Variants in TMTC2 observed in about 807,000 individuals in gnomAD.
TMTC2 encodes the protein protein O-mannosyl-transferase TMTC2.
In TMTC2, 43 loss-of-function variants were observed where a neutral mutation model predicts 82.4. The ratio of observed to expected loss-of-function variants is 0.52; its 90% CI spans 0.41 to 0.67. The LOEUF (loss-of-function observed/expected upper bound fraction) is 0.67, where lower values mean the gene tolerates loss of function less well. Among genes scored for constraint, TMTC2 ranks in the 30% least tolerant of loss-of-function variants. The probability of loss-of-function intolerance (pLI) is 0.00; values close to 1 mark genes in which losing one functional copy is unlikely to be tolerated. For missense variants in TMTC2, 919 were observed against 1,012.4 expected, an observed-to-expected ratio of 0.91 and a Z score of 1.25; for synonymous variants, 408 against 381.9, an observed-to-expected ratio of 1.07 and a Z score of -0.80.
intron 1 of TMTC2, among the ~76,000 whole-genome samples, chr12:82,849,065 G>C (rs1343337652): frequency 6.6e-6 from 1 of 152,074 alleles, no homozygotes; most frequent in African/African-American, 2.4e-5. Flanking sequence ...CTGTGAATGC[G>C]AGCTGTGAAG....
Position 82,860,012 on chromosome 12 carries a change from C to T in TMTC2, c.654+2432C>T, listed in dbSNP as rs574112110. ...TTTTTGAGACCGAGTCTTGCCCTGT[C>T]GCCTAGGCTGGAGTGCAGTGGCACG... On this transcript the variant is annotated intron_variant, in intron 2 of 11. Transcript: ENST00000321196. Among the ~76,000 whole-genome samples, 275 of 152,206 alleles carry T rather than the reference C, an allele frequency of 1.8e-3. 1 individual carries two copies. Among genetic ancestry groups the T allele is most frequent in the African/African-American group, 6.5e-3 (268 of 41,520 alleles).
chr12:82,868,060 T>A (rs1464727350), intron 2 of TMTC2, among the ~76,000 whole-genome samples: 1 of 152,218 alleles, frequency 6.6e-6, no homozygotes, highest in Non-Finnish European at 1.5e-5. Context: ...AAATGCCCTG[T>A]AAAATCAGGG....
At chr12:82,730,296 C>CAA (rs368959079) in intron 1 of TMTC2, among the ~76,000 whole-genome samples, 8,196 of 78,928 alleles carry the variant, frequency 0.1, 824 homozygotes, top group East Asian at 0.41. Context: ...CTCTGTCTCT[C>CAA]AAAAAAAAAA....
intron 4 of TMTC2, among the ~76,000 whole-genome samples, chr12:82,943,075 T>C (rs1876811338): frequency 6.6e-6 from 1 of 152,148 alleles, no homozygotes; most frequent in Admixed American, 6.5e-5. Context: ...GAGCTGCTTA[T>C]ATAAACAAAG....
intron 3 of TMTC2, among the ~76,000 whole-genome samples, chr12:82,899,798 AAT>A (rs1185929388): frequency 6.9e-6 from 1 of 145,922 alleles, no homozygotes; most frequent in Non-Finnish European, 1.5e-5. Flanking sequence ...CATATATAGG[AAT>A]ATATATATAT....
intron 8 of TMTC2, among the ~76,000 whole-genome samples, chr12:83,001,149 T>C (rs1879902992): frequency 6.6e-6 from 1 of 152,190 alleles, no homozygotes; most frequent in South Asian, 2.1e-4. Context: ...TCTTGGTGAT[T>C]AACATTCGGC....
At chr12:82,873,195 G>T (rs961780317) in intron 2 of TMTC2, among the ~76,000 whole-genome samples, 2 of 147,618 alleles carry the variant, frequency 1.4e-5, no homozygotes, top group Non-Finnish European at 3.0e-5. Context: ...TAGGGATTTT[G>T]GCCCTGTTTC....
At chr12:83,079,792 C>T (rs1883403074) in intron 11 of TMTC2, among the ~76,000 whole-genome samples, 1 of 152,090 alleles carries the variant, frequency 6.6e-6, no homozygotes, top group Admixed American at 6.5e-5. Context: ...ATCCAAAATA[C>T]ATGGACATAT....
chr12:82,900,802 TATATATATATAGGA>T (rs1873957635), intron 3 of TMTC2, among the ~76,000 whole-genome samples: 2 of 128,702 alleles, frequency 1.6e-5, no homozygotes, highest in Non-Finnish European at 3.2e-5. Context: ...ATACCTGGAA[TATATATATATAGGA>T]ATATATATAC....
At chr12:82,769,618 A>G (rs1157813933) in intron 1 of TMTC2, among the ~76,000 whole-genome samples, 1 of 151,932 alleles carries the variant, frequency 6.6e-6, no homozygotes, top group Non-Finnish European at 1.5e-5. Context: ...GACACTTACT[A>G]TTTTTATTTT....
intron 11 of TMTC2, among the ~76,000 whole-genome samples, chr12:83,118,260 G>A (rs1006873386): frequency 2.6e-5 from 4 of 152,038 alleles, no homozygotes; most frequent in African/African-American, 9.7e-5. Context: ...TTCTCTAGAG[G>A]GAATGCTTTC....
At chr12:82,923,702 C>T (rs2137232139) in intron 3 of TMTC2, among the ~76,000 whole-genome samples, 1 of 152,168 alleles carries the variant, frequency 6.6e-6, no homozygotes, top group Non-Finnish European at 1.5e-5. Context: ...TATATTATGG[C>T]TAAAATATAG....
intron 2 of TMTC2, among the ~76,000 whole-genome samples, chr12:82,871,555 T>G (rs1872177031): frequency 6.6e-6 from 1 of 152,174 alleles, no homozygotes; most frequent in Admixed American, 6.5e-5. Flanking sequence ...AACTCTGTGC[T>G]AAGTGCTAAT....
intron 1 of TMTC2, among the ~76,000 whole-genome samples, chr12:82,776,366 T>C (rs1343033949): frequency 6.6e-6 from 1 of 152,116 alleles, no homozygotes; most frequent in African/African-American, 2.4e-5. Context: ...CTGTGTCCAC[T>C]CTGGGTATAT....
chr12:82,896,753 A>C, intron 3 of TMTC2, 107 bp downstream of exon 3: 1 of 800,154 alleles, frequency 1.2e-6, no homozygotes. Context: ...AGGTCCTTTT[A>C]TGCAGTACCT....
At chr12:83,100,286 T>G (rs975616873) in intron 11 of TMTC2, among the ~76,000 whole-genome samples, 1 of 152,114 alleles carries the variant, frequency 6.6e-6, no homozygotes, top group Non-Finnish European at 1.5e-5. Context: ...TTTTTTAAGC[T>G]TTTTCTGTAC....
intron 4 of TMTC2, among the ~76,000 whole-genome samples, chr12:82,951,969 C>G (rs540861308): frequency 6.6e-6 from 1 of 152,050 alleles, no homozygotes; most frequent in African/African-American, 2.4e-5. Context: ...AATTCTTTTG[C>G]TTGGTCCTCG....
At chr12:82,771,001 A>G (rs1877274285) in intron 1 of TMTC2, among the ~76,000 whole-genome samples, 1 of 151,990 alleles carries the variant, frequency 6.6e-6, no homozygotes, top group Admixed American at 6.6e-5. Flanking sequence ...GAGGTCAGGA[A>G]TTTGAGACCA....
intron 1 of TMTC2, among the ~76,000 whole-genome samples, chr12:82,713,598 C>G (rs1278682810): frequency 1.3e-5 from 2 of 152,162 alleles, no homozygotes; most frequent in African/African-American, 4.8e-5. Flanking sequence ...TTGAACTCAT[C>G]AGATCTCGTG....
Sources: gnomAD v4.1 joint callset for allele counts (sites outside exome capture counted in the v4.1 genomes callset) on GRCh38, gnomAD v4.1.1 for gene constraint, MANE v1.5 for transcripts, NCBI Gene and HGNC (gene_info 2026-07-23, HGNC 2026-07-21) for gene names.